Variants in ALPK1 observed in about 807,000 individuals in gnomAD.
ALPK1 encodes the protein alpha-protein kinase 1.
Under a neutral mutation model 120.6 loss-of-function variants are expected in ALPK1, and 110 were observed. The ratio of observed to expected loss-of-function variants is 0.91; its 90% CI spans 0.78 to 1.07. The LOEUF is 1.07. Ranked by LOEUF, ALPK1 falls within the 50% of genes least tolerant of loss-of-function variation. The pLI is 0.00. For synonymous variants in ALPK1, 582 were observed against 560.3 expected, an observed-to-expected ratio of 1.04 and a Z score of -0.55; for missense variants, 1,498 against 1,483.9, an observed-to-expected ratio of 1.01 and a Z score of -0.16.
intron 5 of ALPK1, among the ~76,000 whole-genome samples, chr4:112,418,576 A>T (rs1404030879): frequency 1.3e-5 from 2 of 152,228 alleles, no homozygotes; most frequent in East Asian, 3.9e-4. Context: ...GAGCACACCA[A>T]GTCAGGATGA....
chr4:112,427,783 C>A, intron 9 of ALPK1, 118 bp downstream of exon 9: 1 of 712,972 alleles, frequency 1.4e-6, no homozygotes, highest in South Asian at 1.7e-5. Context: ...TGCTGCGCCT[C>A]CTAGACAAAT....
intron 9 of ALPK1, among the ~76,000 whole-genome samples, chr4:112,428,372 A>T (rs1315763988): frequency 6.6e-6 from 1 of 152,170 alleles, no homozygotes; most frequent in Non-Finnish European, 1.5e-5. Context: ...TGCCATTTTT[A>T]TTCAAGACCC....
chr4:112,375,976 G>A (rs1310264278), intron 2 of ALPK1, among the ~76,000 whole-genome samples: 1 of 152,142 alleles, frequency 6.6e-6, no homozygotes, highest in Non-Finnish European at 1.5e-5. Flanking sequence ...AGGGAAGCCT[G>A]AGGAGAGGAA....
chr4:112,309,459 C>A (rs1191748563), intron 1 of ALPK1, among the ~76,000 whole-genome samples: 1 of 152,162 alleles, frequency 6.6e-6, no homozygotes, highest in Non-Finnish European at 1.5e-5. Flanking sequence ...AGACGCCCCT[C>A]CCCCAGCCTC....
intron 2 of ALPK1, among the ~76,000 whole-genome samples, chr4:112,371,523 C>T (rs952942500): frequency 6.6e-6 from 1 of 152,220 alleles, no homozygotes; most frequent in Non-Finnish European, 1.5e-5. Flanking sequence ...CTTCATTAAG[C>T]CTTATCACTC....
At chr4:112,313,961 A>T (rs1003459852) in intron 1 of ALPK1, among the ~76,000 whole-genome samples, 1 of 152,236 alleles carries the variant, frequency 6.6e-6, no homozygotes, top group Non-Finnish European at 1.5e-5. Context: ...TTCTTCTAAG[A>T]TGAAAGAAAT....
intron 2 of ALPK1, among the ~76,000 whole-genome samples, chr4:112,329,982 T>C (rs1729292774): frequency 6.6e-6 from 1 of 152,220 alleles, no homozygotes; most frequent in Admixed American, 6.5e-5. Context: ...TAAGTACATA[T>C]GAAAAGGAAT....
At chr4:112,405,929 G>T (rs959576863) in intron 4 of ALPK1, among the ~76,000 whole-genome samples, 4 of 152,116 alleles carry the variant, frequency 2.6e-5, no homozygotes, top group East Asian at 1.9e-4. Context: ...CCTTGCTGAG[G>T]CCACAGGGGA....
At chr4:112,349,892 T>G (rs1302171781) in intron 2 of ALPK1, among the ~76,000 whole-genome samples, 2 of 152,184 alleles carry the variant, frequency 1.3e-5, no homozygotes, top group Non-Finnish European at 2.9e-5. Context: ...GCTTTTTTTG[T>G]GAGCAGAAAT....
chr4:112,436,884 C>A (rs190664980), intron 12 of ALPK1, among the ~76,000 whole-genome samples: 1 of 152,254 alleles, frequency 6.6e-6, no homozygotes, highest in East Asian at 1.9e-4. Flanking sequence ...AATGGAGTGG[C>A]AGAGTTCAAT....
At chr4:112,364,316 T>C (rs1196644077) in intron 2 of ALPK1, among the ~76,000 whole-genome samples, 1 of 151,622 alleles carries the variant, frequency 6.6e-6, no homozygotes, top group East Asian at 1.9e-4. Context: ...AGACCATTAG[T>C]GAGTTAACCA....
At chr4:112,352,699 G>A (rs1560649226) in intron 2 of ALPK1, 1 of 152,072 alleles carries the variant, frequency 6.6e-6, no homozygotes, top group African/African-American at 2.4e-5. Context: ...AGATACAAAA[G>A]GCCAACTGTA....
At chr4:112,432,706 T>C (rs1734628138) in intron 11 of ALPK1, 125 bp downstream of exon 11, 1 of 895,540 alleles carries the variant, frequency 1.1e-6, no homozygotes, top group Non-Finnish European at 1.7e-6. Context: ...GCTTTGTGAG[T>C]TCACAGAGAA....
chr4:112,362,936 C>T (rs1298263673), intron 2 of ALPK1, among the ~76,000 whole-genome samples: 1 of 152,162 alleles, frequency 6.6e-6, no homozygotes, highest in Non-Finnish European at 1.5e-5. Context: ...TATCTTTAGC[C>T]TCCTTAAACA....
intron 4 of ALPK1, among the ~76,000 whole-genome samples, chr4:112,400,986 T>G (rs1027149961): frequency 6.6e-6 from 1 of 151,914 alleles, no homozygotes; most frequent in Admixed American, 6.6e-5. Flanking sequence ...TCAGCCTCGC[T>G]CAGCCAGAGT....
chr4:112,432,072 A>T lies in ALPK1; in HGVS notation c.2525A>T (p.Gln842Leu). 2 of 1,614,124 alleles carry T rather than the reference A, an allele frequency of 1.2e-6. No individual in the cohort carries two copies. Among genetic ancestry groups the T allele is most frequent in the Non-Finnish European group, 8.5e-7 (1 of 1,179,972 alleles). Residue 842 changes from glutamine to leucine, a missense_variant, in exon 11 of 16, where the codon CAG (glutamine) becomes CTG (leucine). Transcript: ENST00000650871. The part of the protein sequence containing the change: ...SRKSGGPVAE[Q>L]GIDPDASTVD... ...AAAAGTGGTGGCCCAGTCGCAGAGCAGGGCATCGACCCTGATGCCTCCACA... is the reference window on the plus strand; with the variant it reads ...AAAAGTGGTGGCCCAGTCGCAGAGCTGGGCATCGACCCTGATGCCTCCACA...
Position 112,324,199 on chromosome 4 carries a change from C to T in ALPK1, c.-101+8347C>T, listed in dbSNP as rs575684624. Among the ~76,000 whole-genome samples, 1,424 of 152,060 alleles carry T rather than the reference C, an allele frequency of 9.4e-3. 15 individuals are homozygous for T. The highest frequency in any genetic ancestry group is 0.054 in the South Asian group (259 of 4,810). ...AAAATTAGCAGGGCATGGTGGCAGG[C>T]GCCTGTAGTCCCAGCTACTGGGGAG... On this transcript the variant is annotated intron_variant, in intron 2 of 15. Coordinates refer to ENST00000650871, the MANE Select transcript of ALPK1 (RefSeq NM_025144.4).
At chr4:112,361,261 A>G (rs1730899756) in intron 2 of ALPK1, among the ~76,000 whole-genome samples, 1 of 152,106 alleles carries the variant, frequency 6.6e-6, no homozygotes, top group South Asian at 2.1e-4. Context: ...CAGCCGAGGA[A>G]CTGTGAGTCA....
intron 2 of ALPK1, among the ~76,000 whole-genome samples, chr4:112,355,467 G>A (rs990260782): frequency 6.6e-6 from 1 of 152,156 alleles, no homozygotes; most frequent in African/African-American, 2.4e-5. Context: ...GCAAGGGGCA[G>A]CCGTTCTCAA....
Sources: allele counts gnomAD v4.1 joint callset (sites outside exome capture counted in the v4.1 genomes callset), GRCh38; gene constraint gnomAD v4.1.1; transcripts MANE v1.5; gene names NCBI Gene and HGNC (gene_info 2026-07-23, HGNC 2026-07-21).